Variants in DYNLRB2 observed in about 807,000 individuals in gnomAD.
DYNLRB2 encodes the protein bithoraxoid-like protein.
A neutral mutation model predicts 12.6 loss-of-function variants in DYNLRB2; 14 were observed. That is an observed-to-expected ratio of 1.11 (90% CI 0.73 to 1.73). DYNLRB2 has a LOEUF of 1.73. DYNLRB2 is among the 40% of genes most tolerant of loss of function. DYNLRB2 has a pLI of 0.00. For missense variants in DYNLRB2, 142 were observed against 117.7 expected (o/e 1.21, Z -0.95); for synonymous variants, 53 against 37.0 (o/e 1.43, Z -1.57).
intron 1 of DYNLRB2, among the ~76,000 whole-genome samples, chr16:80,542,573 G>A (rs1481746589): frequency 1.3e-5 from 2 of 152,168 alleles, no homozygotes; most frequent in African/African-American, 4.8e-5. Context: ...GGAAAAGATC[G>A]TTCTTGTCTT....
At chr16:80,550,159 G>A (rs376064549) in intron 3 of DYNLRB2, among the ~76,000 whole-genome samples, 156 of 152,270 alleles carry the variant, frequency 1.0e-3, no homozygotes, top group African/African-American at 3.6e-3. Flanking sequence ...AACTAATCTA[G>A]AACAAACCTC....
At chr16:80,540,955 C>A (rs1472188482), upstream of DYNLRB2, 15 of 1,542,974 alleles carry the variant, frequency 9.7e-6, no homozygotes, top group Non-Finnish European at 1.2e-5. Flanking sequence ...AGCGCGCAGG[C>A]GCAGCCCTGA....
upstream of DYNLRB2, chr16:80,540,734 G>A (rs1302784463): frequency 4.3e-6 from 3 of 702,622 alleles, no homozygotes; most frequent in East Asian, 5.4e-5. Context: ...GAACGAATAA[G>A]TGGTTATCAC....
intron 1 of DYNLRB2, among the ~76,000 whole-genome samples, chr16:80,542,208 G>T (rs939439924): frequency 6.6e-6 from 1 of 152,112 alleles, no homozygotes; most frequent in African/African-American, 2.4e-5. Context: ...ATAACGTCAG[G>T]TTTCCATTTG....
intron 3 of DYNLRB2, among the ~76,000 whole-genome samples, chr16:80,550,137 C>G (rs541431957): frequency 2.0e-5 from 3 of 152,328 alleles, no homozygotes; most frequent in African/African-American, 7.2e-5. Context: ...TACAATGGGA[C>G]CTATGCCACT....
At chr16:80,540,841 T>C (rs1389747466), upstream of DYNLRB2, 7 of 738,712 alleles carry the variant, frequency 9.5e-6, no homozygotes, top group African/African-American at 1.7e-5. Context: ...GCTCCAGGAT[T>C]GGGCGAACCT....
intron 2 of DYNLRB2, among the ~76,000 whole-genome samples, chr16:80,548,534 C>T (rs1555518756): frequency 6.6e-6 from 1 of 152,064 alleles, no homozygotes; most frequent in Non-Finnish European, 1.5e-5. Context: ...TCAGCCTAAC[C>T]AACATGGTGA....
chr16:80,541,298 C>T (rs1206858648), intron 1 of DYNLRB2: 11 of 970,244 alleles, frequency 1.1e-5, no homozygotes, highest in Non-Finnish European at 1.3e-5. Context: ...ATTGATTTCG[C>T]GGGGATGGTA....
At chr16:80,541,242 G>C (rs1904285375) in intron 1 of DYNLRB2, 163 bp downstream of exon 1, 11 of 961,792 alleles carry the variant, frequency 1.1e-5, no homozygotes, top group Non-Finnish European at 1.4e-5. Context: ...GGGAGACCTT[G>C]GAAAGGGGCA....
intron 3 of DYNLRB2, 81 bp from the exon 4 acceptor site, chr16:80,550,434 G>C: frequency 6.5e-7 from 1 of 1,544,956 alleles, no homozygotes; most frequent in Non-Finnish European, 8.9e-7. Context: ...GTGATGTTTT[G>C]AAGAAAAAAG....
intron 2 of DYNLRB2, chr16:80,544,784 C>T (rs1323693140): frequency 1.3e-5 from 2 of 152,258 alleles, no homozygotes; most frequent in Admixed American, 1.3e-4. Flanking sequence ...TTCCTTACCT[C>T]TTCCTAGCTT....
At chr16:80,544,554 C>A (rs943574388) in intron 2 of DYNLRB2, 1 of 152,168 alleles carries the variant, frequency 6.6e-6, no homozygotes, top group Non-Finnish European at 1.5e-5. Context: ...GATTTTATTT[C>A]CAGGTATTTG....
At chr16:80,549,434 T>A in intron 2 of DYNLRB2, 50 bp from the exon 3 acceptor site, 1 of 1,509,738 alleles carries the variant, frequency 6.6e-7, no homozygotes, top group East Asian at 2.4e-5. Context: ...ACTGTACTTA[T>A]TACTTTTCTA....
intron 3 of DYNLRB2, 95 bp downstream of exon 3, chr16:80,549,746 A>G (rs1263079786): frequency 1.6e-6 from 2 of 1,260,074 alleles, no homozygotes; most frequent in African/African-American, 3.0e-5. Context: ...ATTTTAGTAT[A>G]GAATATAAAA....
intron 2 of DYNLRB2, among the ~76,000 whole-genome samples, chr16:80,547,361 A>G (rs1314272432): frequency 6.6e-6 from 1 of 152,210 alleles, no homozygotes; most frequent in Non-Finnish European, 1.5e-5. Flanking sequence ...GGTAAATTTT[A>G]TACCATGTGC....
chr16:80,546,439 G>A (rs1904472872), intron 2 of DYNLRB2, among the ~76,000 whole-genome samples: 1 of 152,150 alleles, frequency 6.6e-6, no homozygotes. Flanking sequence ...CTTCTACCAT[G>A]CTTATTCATT....
At chr16:80,549,358 C>G in intron 2 of DYNLRB2, 126 bp from the exon 3 acceptor site, 1 of 942,776 alleles carries the variant, frequency 1.1e-6, no homozygotes, top group Non-Finnish European at 1.5e-6. Flanking sequence ...AAATTGTTAC[C>G]AGAGAGGGAT....
chr16:80,541,473 G>A (rs1471518691), intron 1 of DYNLRB2: 1 of 829,182 alleles, frequency 1.2e-6, no homozygotes, highest in Non-Finnish European at 1.5e-6. Flanking sequence ...GAAGAGGTGG[G>A]ACAGGGAAAG....
At position 80,541,094 on chromosome 16, in the gene DYNLRB2, T is replaced by A; in HGVS notation, c.3+15T>A. 6.2e-7 allele frequency: 1 copy of A among 1,602,104 alleles called. No individual in the cohort carries two copies. The highest frequency in any genetic ancestry group is 8.5e-7 in the Non-Finnish European group (1 of 1,173,142). On this transcript the variant is annotated intron_variant, in intron 1 of 3. Coordinates refer to ENST00000305904, the MANE Select transcript of DYNLRB2 (RefSeq NM_130897.3). Reference sequence around the variant, plus strand: ...CCTCCGCGATGGTAAATCTGGGGTCTCCGTCCACGCCCCGCCGTTCCAAGC... The same window carrying A: ...CCTCCGCGATGGTAAATCTGGGGTCACCGTCCACGCCCCGCCGTTCCAAGC...
Sources: allele counts gnomAD v4.1 joint callset (sites outside exome capture counted in the v4.1 genomes callset), GRCh38; gene constraint gnomAD v4.1.1; transcripts MANE v1.5; gene names NCBI Gene and HGNC (gene_info 2026-07-23, HGNC 2026-07-21).